The following CHRM3 variants were observed in gnomAD, a reference collection of about 807,000 sequenced individuals.
CHRM3 encodes the protein cholinergic receptor muscarinic 3, also known as muscarinic acetylcholine receptor M3.
CHRM3 carries 11 observed loss-of-function variants against 41.8 expected under a neutral mutation model. That is an observed-to-expected ratio of 0.26 (90% CI 0.17 to 0.44). The LOEUF (loss-of-function observed/expected upper bound fraction) is 0.44. CHRM3 is among the 20% of genes least tolerant of loss of function. The probability of loss-of-function intolerance (pLI) is 1.00; values close to 1 mark genes in which losing one functional copy is unlikely to be tolerated. For missense variants in CHRM3, 571 were observed against 745.4 expected, an observed-to-expected ratio of 0.77 and a Z score of 2.72; for synonymous variants, 297 against 301.4, an observed-to-expected ratio of 0.99 and a Z score of 0.15.
chr1:239,410,430 C>T (rs1023231065), intron 1 of CHRM3, among the ~76,000 whole-genome samples: 19 of 152,106 alleles, frequency 1.2e-4, no homozygotes, highest in African/African-American at 4.6e-4. Context: ...GAGTCAGAAA[C>T]CATTGCAAAA....
At chr1:239,590,898 T>C (rs1664057005) in intron 3 of CHRM3, among the ~76,000 whole-genome samples, 1 of 152,188 alleles carries the variant, frequency 6.6e-6, no homozygotes, top group Admixed American at 6.5e-5. Flanking sequence ...CTGAGGATTT[T>C]AGGTGGTTAC....
intron 4 of CHRM3, among the ~76,000 whole-genome samples, chr1:239,651,561 C>G (rs940286858): frequency 5.3e-5 from 8 of 152,106 alleles, no homozygotes; most frequent in African/African-American, 1.7e-4. Context: ...CACTTCTTCC[C>G]CTTCCCCAGG....
intron 5 of CHRM3, chr1:239,707,140 A>T (rs551264015): frequency 6.6e-6 from 1 of 152,312 alleles, no homozygotes; most frequent in South Asian, 2.1e-4. Flanking sequence ...TAAGGTGGGG[A>T]TAAATATGTT....
intron 5 of CHRM3, among the ~76,000 whole-genome samples, chr1:239,775,273 T>A (rs527550214): frequency 6.7e-6 from 1 of 150,178 alleles, no homozygotes; most frequent in East Asian, 1.9e-4. Flanking sequence ...TATTGTTGAC[T>A]GTCTGAAAAG....
intron 1 of CHRM3, among the ~76,000 whole-genome samples, chr1:239,397,296 T>C (rs572688246): frequency 6.6e-6 from 1 of 152,356 alleles, no homozygotes; most frequent in East Asian, 1.9e-4. Flanking sequence ...AATGTGTACA[T>C]ATTTATCTAT....
intron 3 of CHRM3, among the ~76,000 whole-genome samples, chr1:239,551,992 C>G (rs1659875753): frequency 6.6e-6 from 1 of 152,022 alleles, no homozygotes; most frequent in African/African-American, 2.4e-5. Flanking sequence ...GAGTATTCAT[C>G]CGGTTGTGTA....
chr1:239,738,013 AC>A (rs2148472884), intron 5 of CHRM3, among the ~76,000 whole-genome samples: 1 of 152,262 alleles, frequency 6.6e-6, no homozygotes, highest in South Asian at 2.1e-4. Context: ...AACAACAACA[AC>A]AACAAAAAAC....
intron 1 of CHRM3, among the ~76,000 whole-genome samples, chr1:239,480,812 C>A (rs1666802997): frequency 6.6e-6 from 1 of 152,030 alleles, no homozygotes; most frequent in South Asian, 2.1e-4. Context: ...CCCGCCTCGG[C>A]CTCCCAAAGT....
At chr1:239,591,021 C>T (rs1460376351) in intron 3 of CHRM3, among the ~76,000 whole-genome samples, 1 of 152,146 alleles carries the variant, frequency 6.6e-6, no homozygotes, top group African/African-American at 2.4e-5. Flanking sequence ...AGTGTTAATG[C>T]TCATTATGCT....
chr1:239,844,262 G>A (rs1477082308), intron 6 of CHRM3, among the ~76,000 whole-genome samples: 1 of 152,094 alleles, frequency 6.6e-6, no homozygotes, highest in African/African-American at 2.4e-5. Flanking sequence ...TTAGACTGAG[G>A]CTTGGGAGGT....
chr1:239,424,460 C>G (rs1006963018), intron 1 of CHRM3, among the ~76,000 whole-genome samples: 10 of 152,140 alleles, frequency 6.6e-5, no homozygotes, highest in African/African-American at 2.4e-4. Flanking sequence ...CTGAAATGGA[C>G]ATGACATTTT....
At chr1:239,814,024 C>T (rs1037174008) in intron 5 of CHRM3, among the ~76,000 whole-genome samples, 4 of 147,482 alleles carry the variant, frequency 2.7e-5, no homozygotes, top group Non-Finnish European at 4.5e-5. Flanking sequence ...AGTCATTACT[C>T]GCTTTAAGGA....
chr1:239,538,442 G>A (rs1278684959), intron 2 of CHRM3, among the ~76,000 whole-genome samples: 10 of 152,138 alleles, frequency 6.6e-5, no homozygotes, highest in African/African-American at 1.9e-4. Context: ...TATTGTGACA[G>A]CTCTGATTCT....
At chr1:239,406,169 C>T (rs1439766198) in intron 1 of CHRM3, among the ~76,000 whole-genome samples, 1 of 152,134 alleles carries the variant, frequency 6.6e-6, no homozygotes, top group Non-Finnish European at 1.5e-5. Context: ...GGATTACAGG[C>T]GTGAGCCACC....
intron 4 of CHRM3, among the ~76,000 whole-genome samples, chr1:239,665,400 T>G (rs1360589885): frequency 6.6e-6 from 1 of 152,114 alleles, no homozygotes; most frequent in East Asian, 1.9e-4. Context: ...CCTTGAACCA[T>G]TGGTCTTAAA....
At chr1:239,556,652 C>T (rs1433533510) in intron 3 of CHRM3, among the ~76,000 whole-genome samples, 1 of 152,112 alleles carries the variant, frequency 6.6e-6, no homozygotes, top group African/African-American at 2.4e-5. Flanking sequence ...TGTTAAAGTA[C>T]ATTAGACAGA....
chr1:239,588,004 T>C lies in CHRM3; in HGVS notation c.-313+42255T>C, dbSNP rs2148620462. Among the ~76,000 whole-genome samples the C allele has an allele frequency of 2.0e-5, 3 of 152,330 alleles. No homozygotes were observed. In the Middle Eastern group the frequency reaches 0.01, roughly 518 times the overall value. On this transcript the variant is annotated intron_variant, in intron 3 of 6. Coordinates refer to ENST00000676153, the MANE Select transcript of CHRM3 (RefSeq NM_001375978.1). ...CTCTCTAAAATTTGATTTTTAAACA[T>C]TCGATCAGACCAATAGATGAGCTAC...
intron 4 of CHRM3, among the ~76,000 whole-genome samples, chr1:239,639,960 T>G (rs79519830): frequency 0.77 from 116,270 of 150,200 alleles, 46,165 homozygotes; most frequent in African/African-American, 0.94. Context: ...TTTATTGAGA[T>G]TTTGTAGCAT....
At chr1:239,404,404 GAAAGAAAA>G (rs1221420942) in intron 1 of CHRM3, among the ~76,000 whole-genome samples, 1,162 of 57,722 alleles carry the variant, frequency 0.02, 49 homozygotes, top group Admixed American at 0.029. Context: ...AAGAAAGAAA[GAAAGAAAA>G]AGAAAGAAAG....
Sources: gnomAD v4.1 joint callset for allele counts (sites outside exome capture counted in the v4.1 genomes callset) on GRCh38, gnomAD v4.1.1 for gene constraint, MANE v1.5 for transcripts, NCBI Gene and HGNC (gene_info 2026-07-23, HGNC 2026-07-21) for gene names.